Variants in CDH13 observed in about 807,000 individuals in gnomAD.
CDH13 encodes the protein cadherin-13.
In CDH13, 24 loss-of-function variants were observed where a neutral mutation model predicts 63.8. That is an observed-to-expected ratio of 0.38 (90% CI 0.27 to 0.53). CDH13 has a LOEUF of 0.53. Ranked by LOEUF, CDH13 falls within the 20% of genes least tolerant of loss-of-function variation. The pLI is 0.85. For missense variants in CDH13, 1,049 were observed against 903.1 expected, an observed-to-expected ratio of 1.16 and a Z score of -2.07; for synonymous variants, 503 against 355.3, an observed-to-expected ratio of 1.42 and a Z score of -4.67.
chr16:83,502,875 C>A (rs994070022), intron 7 of CDH13, among the ~76,000 whole-genome samples: 3 of 152,314 alleles, frequency 2.0e-5, no homozygotes, highest in South Asian at 4.1e-4. Flanking sequence ...GCATCTCCAT[C>A]GACAGTGGGG....
intron 1 of CDH13, among the ~76,000 whole-genome samples, chr16:82,753,332 T>A (rs1400426737): frequency 6.6e-6 from 1 of 152,226 alleles, no homozygotes; most frequent in Non-Finnish European, 1.5e-5. Context: ...TATCTGTCCT[T>A]GGCTTCATTT....
intron 6 of CDH13, among the ~76,000 whole-genome samples, chr16:83,399,270 T>G (rs1382613293): frequency 6.6e-6 from 1 of 152,250 alleles, no homozygotes; most frequent in Admixed American, 6.5e-5. Flanking sequence ...GCAGGCTTAT[T>G]ATGATGATCA....
intron 7 of CDH13, among the ~76,000 whole-genome samples, chr16:83,562,356 A>G (rs181021209): frequency 6.6e-6 from 1 of 152,364 alleles, no homozygotes; most frequent in African/African-American, 2.4e-5. Flanking sequence ...TGCAAAGTAT[A>G]TAGCAAAAAA....
chr16:83,244,531 G>A (rs2151818134), intron 5 of CDH13, among the ~76,000 whole-genome samples: 1 of 152,250 alleles, frequency 6.6e-6, no homozygotes, highest in Middle Eastern at 3.4e-3. Flanking sequence ...TCTCTAAGTA[G>A]TTCCCCTGGA....
intron 6 of CDH13, among the ~76,000 whole-genome samples, chr16:83,473,010 G>C (rs2073498405): frequency 6.6e-6 from 1 of 152,158 alleles, no homozygotes; most frequent in Admixed American, 6.5e-5. Context: ...TTCCATGGGG[G>C]CACAGGTGGC....
intron 9 of CDH13, among the ~76,000 whole-genome samples, chr16:83,674,970 C>A (rs912547233): frequency 6.6e-6 from 1 of 152,224 alleles, no homozygotes; most frequent in Non-Finnish European, 1.5e-5. Context: ...CTGGATCCTC[C>A]CTCTTCCAGC....
intron 1 of CDH13, chr16:82,825,101 C>G (rs183176091): frequency 6.6e-6 from 1 of 152,264 alleles, no homozygotes; most frequent in Admixed American, 6.5e-5. Context: ...CAGAGAAGTT[C>G]ATCATACGAA....
chr16:83,463,329 C>T (rs2073227413), intron 6 of CDH13, among the ~76,000 whole-genome samples: 1 of 152,178 alleles, frequency 6.6e-6, no homozygotes, highest in South Asian at 2.1e-4. Context: ...ACAATAAAAA[C>T]AGTTCATTTC....
At chr16:83,161,907 C>G (rs549202709) in intron 4 of CDH13, among the ~76,000 whole-genome samples, 17 of 152,170 alleles carry the variant, frequency 1.1e-4, no homozygotes, top group Non-Finnish European at 1.8e-4. Flanking sequence ...AGCCATCGAT[C>G]CAGAGAACAA....
intron 6 of CDH13, among the ~76,000 whole-genome samples, chr16:83,420,998 C>T (rs1472040661): frequency 6.6e-6 from 1 of 152,168 alleles, no homozygotes; most frequent in African/African-American, 2.4e-5. Flanking sequence ...TGCCGACAGC[C>T]AGCTGGATGG....
chr16:83,302,981 T>G (rs769095877), intron 5 of CDH13, among the ~76,000 whole-genome samples: 7 of 152,240 alleles, frequency 4.6e-5, no homozygotes, highest in Non-Finnish European at 1.0e-4. Context: ...TCTTTTCATG[T>G]CTCTGATCTA....
At position 83,779,837 on chromosome 16, in the gene CDH13, G is replaced by A. The variant is rs1269004483; in HGVS notation, c.1682-131G>A. ...CGCACCACTGCATTCCAGTCTGGGC[G>A]ATAGAGTGAGACCCTGTCTCAAAAA... On this transcript the variant is annotated intron_variant, in intron 11 of 13. Coordinates refer to ENST00000567109, the MANE Select transcript of CDH13 (RefSeq NM_001257.5). 15 of 635,722 alleles carry A rather than the reference G, an allele frequency of 2.4e-5. 1 individual carries two copies. The highest frequency in any genetic ancestry group is 1.1e-4 in the African/African-American group (6 of 54,826). 39.4% of individuals were successfully genotyped at this position (635,722 alleles called of 1,614,324 possible).
intron 3 of CDH13, among the ~76,000 whole-genome samples, chr16:83,046,933 C>T (rs1212096639): frequency 1.3e-5 from 2 of 152,202 alleles, no homozygotes; most frequent in Non-Finnish European, 2.9e-5. Flanking sequence ...TTCCCTTTCC[C>T]CGATGGCTAC....
chr16:83,139,707 A>G (rs59312655), intron 4 of CDH13, among the ~76,000 whole-genome samples: 1,561 of 152,282 alleles, frequency 0.01, 30 homozygotes, highest in African/African-American at 0.036. Flanking sequence ...GAAAAATAAT[A>G]ATATAAAAAT....
At chr16:82,703,893 T>A (rs1470279050) in intron 1 of CDH13, among the ~76,000 whole-genome samples, 1 of 152,206 alleles carries the variant, frequency 6.6e-6, no homozygotes, top group Non-Finnish European at 1.5e-5. Context: ...CCTACCCAGC[T>A]TCGGGGGCTC....
At position 83,585,513 on chromosome 16, in the gene CDH13, CTG is replaced by C. The variant is rs572813806; in HGVS notation, c.961-16937_961-16936del. 2.8e-4 allele frequency among the ~76,000 whole-genome samples: 43 copies of C among 152,198 alleles called. No individual in the cohort carries two copies. In the South Asian group the frequency reaches 5.2e-3, roughly 18 times the overall value. Reference sequence around the variant, plus strand: ...GCTGCTGAGCTTGCTTTGGGCCATGCTGTGTTTGCAGTGCTCGTGACACATTC... The same window carrying C: ...GCTGCTGAGCTTGCTTTGGGCCATGCTGTTTGCAGTGCTCGTGACACATTC... On this transcript the variant is annotated intron_variant, in intron 7 of 13. Coordinates refer to ENST00000567109, the MANE Select transcript of CDH13 (RefSeq NM_001257.5).
intron 1 of CDH13, among the ~76,000 whole-genome samples, chr16:82,662,170 C>G (rs531828268): frequency 2.0e-5 from 3 of 146,948 alleles, no homozygotes; most frequent in African/African-American, 7.4e-5. Context: ...AGAAAGGTCA[C>G]CCTTGTGTAT....
intron 1 of CDH13, among the ~76,000 whole-genome samples, chr16:82,649,931 C>T (rs530524748): frequency 6.6e-6 from 1 of 152,322 alleles, no homozygotes; most frequent in African/African-American, 2.4e-5. Flanking sequence ...ATGTAACATG[C>T]TTAAGACAGT....
chr16:83,477,281 G>C (rs2073629774), intron 6 of CDH13, among the ~76,000 whole-genome samples: 2 of 152,192 alleles, frequency 1.3e-5, no homozygotes. Context: ...ATATTTGGCT[G>C]TCAATTTGTA....
Sources: allele counts gnomAD v4.1 joint callset (sites outside exome capture counted in the v4.1 genomes callset), GRCh38; gene constraint gnomAD v4.1.1; transcripts MANE v1.5; gene names NCBI Gene and HGNC (gene_info 2026-07-23, HGNC 2026-07-21).